The following PDZRN4 variants were observed in gnomAD, a reference collection of about 807,000 sequenced individuals.
PDZRN4 encodes PDZ domain containing ring finger 4, also known as PDZ domain-containing RING finger protein 4.
Under a neutral mutation model 99.0 loss-of-function variants are expected in PDZRN4, and 70 were observed. The observed-to-expected ratio is 0.71, with a 90% CI of 0.58 to 0.86. The LOEUF is 0.86. Among genes scored for constraint, PDZRN4 ranks in the 40% least tolerant of loss-of-function variants. The pLI is 0.00. For synonymous variants in PDZRN4, 551 were observed against 501.6 expected, an observed-to-expected ratio of 1.10 and a Z score of -1.32; for missense variants, 1,474 against 1,331.2, an observed-to-expected ratio of 1.11 and a Z score of -1.67.
Position 41,362,216 on chromosome 12 carries a change from A to G in PDZRN4, c.844-144240A>G, listed in dbSNP as rs548933413. Among the ~76,000 whole-genome samples the G allele has an allele frequency of 2.0e-5, 3 of 152,120 alleles. No homozygotes were observed. The East Asian group carries it at 5.8e-4, about 30-fold the overall frequency. ...ATTGTTAGTACTGCCACAATCATCAAGTAGAGCCCAGACTCCTCCACCCAC... is the reference window on the plus strand; with the variant it reads ...ATTGTTAGTACTGCCACAATCATCAGGTAGAGCCCAGACTCCTCCACCCAC... On this transcript the variant is annotated intron_variant, in intron 3 of 9. Coordinates refer to ENST00000402685, the MANE Select transcript of PDZRN4 (RefSeq NM_001164595.2).
At chr12:41,194,398 G>C (rs1950758512) in intron 3 of PDZRN4, among the ~76,000 whole-genome samples, 1 of 152,110 alleles carries the variant, frequency 6.6e-6, no homozygotes, top group Admixed American at 6.6e-5. Flanking sequence ...ACTTTTGGTG[G>C]CTGAGGCAGG....
chr12:41,345,370 T>A (rs1565557789), intron 3 of PDZRN4, among the ~76,000 whole-genome samples: 1 of 152,160 alleles, frequency 6.6e-6, no homozygotes, highest in African/African-American at 2.4e-5. Context: ...TCTTCTCACT[T>A]CTTTACTGAC....
At chr12:41,520,028 G>A (rs1038770917) in intron 5 of PDZRN4, among the ~76,000 whole-genome samples, 4 of 152,042 alleles carry the variant, frequency 2.6e-5, no homozygotes, top group East Asian at 1.9e-4. Context: ...CAGGGATGAC[G>A]TTTTCTTGGT....
At chr12:41,194,268 C>T (rs1192765128) in intron 3 of PDZRN4, 80 bp downstream of exon 3, 1 of 727,624 alleles carries the variant, frequency 1.4e-6, no homozygotes, top group Non-Finnish European at 2.4e-6. Context: ...ACCACTTTAC[C>T]TTGGTGTGGT....
intron 3 of PDZRN4, among the ~76,000 whole-genome samples, chr12:41,401,196 G>T (rs776105058): frequency 1.3e-5 from 2 of 151,974 alleles, no homozygotes; most frequent in Non-Finnish European, 2.9e-5. Flanking sequence ...AAATACCCAC[G>T]AAGATACAAA....
chr12:41,280,779 G>C (rs987224199), intron 3 of PDZRN4, among the ~76,000 whole-genome samples: 1 of 152,066 alleles, frequency 6.6e-6, no homozygotes, highest in Non-Finnish European at 1.5e-5. Context: ...GGTGGATGTG[G>C]GTGCAGCTTC....
At chr12:41,469,802 C>A (rs905692937) in intron 3 of PDZRN4, among the ~76,000 whole-genome samples, 1 of 152,096 alleles carries the variant, frequency 6.6e-6, no homozygotes, top group African/African-American at 2.4e-5. Flanking sequence ...TGGTGGCGGG[C>A]ACCTGTAGTC....
intron 3 of PDZRN4, among the ~76,000 whole-genome samples, chr12:41,425,985 T>C (rs770208011): frequency 3.9e-5 from 6 of 152,194 alleles, no homozygotes; most frequent in Non-Finnish European, 8.8e-5. Context: ...ATCTGTTTCA[T>C]GAGGAGCAGA....
chr12:41,523,249 G>A lies in PDZRN4; in HGVS notation c.1203+13336G>A, dbSNP rs1938522281. Among the ~76,000 whole-genome samples, 2 of 152,056 alleles carry A rather than the reference G, an allele frequency of 1.3e-5. 1 individual carries two copies. Among genetic ancestry groups the A allele is most frequent in the South Asian group, 4.1e-4 (2 of 4,820 alleles). On this transcript the variant is annotated intron_variant, in intron 5 of 9. Coordinates refer to ENST00000402685, the MANE Select transcript of PDZRN4 (RefSeq NM_001164595.2). ...TTCAGATATATGCCATCATTTCGTG[G>A]CCCTGAGAGAAAAATGGCTGCCAGT...
chr12:41,427,986 G>T (rs1329771646), intron 3 of PDZRN4, among the ~76,000 whole-genome samples: 1 of 152,100 alleles, frequency 6.6e-6, no homozygotes. Flanking sequence ...TACTTAGGAG[G>T]CTGAGGCAGG....
chr12:41,298,819 A>G (rs1046467630), intron 3 of PDZRN4, among the ~76,000 whole-genome samples: 1 of 152,186 alleles, frequency 6.6e-6, no homozygotes, highest in African/African-American at 2.4e-5. Flanking sequence ...ATTGATTAAT[A>G]AGATTTGGGG....
intron 3 of PDZRN4, among the ~76,000 whole-genome samples, chr12:41,428,393 A>G (rs1952556122): frequency 1.3e-5 from 2 of 152,270 alleles, no homozygotes; most frequent in African/African-American, 2.4e-5. Flanking sequence ...GCTCCATGAG[A>G]TCTGGGACCT....
chr12:41,287,476 G>C (rs1951429195), intron 3 of PDZRN4, among the ~76,000 whole-genome samples: 1 of 152,156 alleles, frequency 6.6e-6, no homozygotes, highest in South Asian at 2.1e-4. Flanking sequence ...TGTTAAAATA[G>C]GAAATTACTA....
chr12:41,471,740 G>T (rs1248952030), intron 3 of PDZRN4, among the ~76,000 whole-genome samples: 1 of 150,770 alleles, frequency 6.6e-6, no homozygotes, highest in Non-Finnish European at 1.5e-5. Context: ...AATTATTAGG[G>T]TGATGATTAT....
intron 3 of PDZRN4, among the ~76,000 whole-genome samples, chr12:41,319,085 G>C (rs1400808288): frequency 6.6e-6 from 1 of 152,090 alleles, no homozygotes; most frequent in Non-Finnish European, 1.5e-5. Flanking sequence ...CATGCATCTT[G>C]AATGCTTCAG....
At chr12:41,556,515 G>A (rs539269991) in intron 7 of PDZRN4, among the ~76,000 whole-genome samples, 14 of 152,318 alleles carry the variant, frequency 9.2e-5, no homozygotes, top group East Asian at 3.9e-4. Context: ...GTATCTAAAC[G>A]TAGAAAAGGT....
chr12:41,316,105 C>T (rs1316408523), intron 3 of PDZRN4, among the ~76,000 whole-genome samples: 3 of 151,918 alleles, frequency 2.0e-5, no homozygotes, highest in Non-Finnish European at 4.4e-5. Context: ...GAACTGTAAC[C>T]CATTTTCTTT....
intron 3 of PDZRN4, among the ~76,000 whole-genome samples, chr12:41,338,417 C>A (rs1219973437): frequency 6.6e-6 from 1 of 151,762 alleles, no homozygotes; most frequent in Non-Finnish European, 1.5e-5. Flanking sequence ...ATGCTTATGG[C>A]CTTATTTTTC....
intron 3 of PDZRN4, among the ~76,000 whole-genome samples, chr12:41,221,669 A>G (rs1950957051): frequency 6.6e-6 from 1 of 152,140 alleles, no homozygotes; most frequent in Non-Finnish European, 1.5e-5. Flanking sequence ...AACTGCTTCT[A>G]GATCGCAAGC....
Sources: allele counts gnomAD v4.1 joint callset (sites outside exome capture counted in the v4.1 genomes callset), GRCh38; gene constraint gnomAD v4.1.1; transcripts MANE v1.5; gene names NCBI Gene and HGNC (gene_info 2026-07-23, HGNC 2026-07-21).